Variants in SPECC1L observed in about 807,000 individuals in gnomAD.
The protein encoded by SPECC1L is sperm antigen with calponin homology and coiled-coil domains 1 like.
Under a neutral mutation model 116.8 loss-of-function variants are expected in SPECC1L, and 40 were observed. That is an observed-to-expected ratio of 0.34 (90% CI 0.27 to 0.45). SPECC1L has a LOEUF of 0.45. SPECC1L is among the 20% of genes least tolerant of loss of function. The pLI is 1.00. For synonymous variants in SPECC1L, 504 were observed against 500.6 expected, an observed-to-expected ratio of 1.01 and a Z score of -0.09; for missense variants, 1,110 against 1,373.6, an observed-to-expected ratio of 0.81 and a Z score of 3.03.
Position 24,324,367 on chromosome 22 carries a change from G to A in SPECC1L, c.2086G>A (p.Glu696Lys), listed in dbSNP as rs200054678. The change falls in exon 6 of 17, where the codon GAA (glutamate) becomes AAA (lysine). Residue 696 changes from glutamate (E) to lysine (K), a missense_variant. Coordinates refer to ENST00000314328, the MANE Select transcript of SPECC1L (RefSeq NM_015330.6). ...MKETIFELED[E>K]VEQHRAVKLH... is the part of the protein sequence containing the mutation. ...AGAAACCATCTTTGAACTTGAAGAT[G>A]AAGTAGAACAACATCGTGCTGTGAA... 4.3e-6 allele frequency: 7 copies of A among 1,614,068 alleles called. No homozygotes were observed. The highest frequency in any genetic ancestry group is 5.9e-6 in the Non-Finnish European group (7 of 1,180,030).
intron 3 of SPECC1L, among the ~76,000 whole-genome samples, chr22:24,303,278 T>C (rs1397830198): frequency 6.6e-6 from 1 of 152,230 alleles, no homozygotes; most frequent in African/African-American, 2.4e-5. Flanking sequence ...TTGTTGGAAC[T>C]GAACCCAGGC....
chr22:24,343,239 A>G (rs756425839), intron 10 of SPECC1L, among the ~76,000 whole-genome samples: 4 of 152,142 alleles, frequency 2.6e-5, no homozygotes, highest in African/African-American at 4.8e-5. Context: ...AATCCATCCA[A>G]ATTTGATGGA....
intron 10 of SPECC1L, among the ~76,000 whole-genome samples, chr22:24,345,640 C>G (rs1238131228): frequency 6.6e-6 from 1 of 151,956 alleles, no homozygotes; most frequent in Non-Finnish European, 1.5e-5. Flanking sequence ...ATACAAATGG[C>G]CAATGGCACA....
At position 24,302,338 on chromosome 22, in the gene SPECC1L, C is replaced by T. The variant is rs200347225; in HGVS notation, c.107C>T (p.Thr36Met). 11 of 1,614,122 alleles carry T rather than the reference C, an allele frequency of 6.8e-6. No individual in the cohort carries two copies. The highest frequency in any genetic ancestry group is 6.7e-5 in the East Asian group (3 of 44,880). Reference protein sequence around the residue: ...IKPENSSSASTGGKLVKPGTA... With the variant: ...IKPENSSSASMGGKLVKPGTA... ...CCTGAAAACAGCTCTTCAGCATCTA[C>T]GGGAGGCAAACTTGTAAAACCTGGA... is the stretch of plus-strand genomic sequence containing the variant. The change falls in exon 3 of 17, where the codon ACG (threonine) becomes ATG (methionine). Residue 36 changes from threonine to methionine, a missense_variant. Coordinates refer to ENST00000314328, the MANE Select transcript of SPECC1L (RefSeq NM_015330.6).
intron 13 of SPECC1L, among the ~76,000 whole-genome samples, chr22:24,367,117 C>G (rs1465948806): frequency 6.6e-6 from 1 of 152,232 alleles, no homozygotes; most frequent in East Asian, 1.9e-4. Flanking sequence ...TCGCTTGAAC[C>G]TGGGAGCCAG....
intron 2 of SPECC1L, among the ~76,000 whole-genome samples, chr22:24,282,572 C>CT (rs2048964107): frequency 6.6e-6 from 1 of 152,112 alleles, no homozygotes; most frequent in Admixed American, 6.5e-5. Flanking sequence ...AATATTCAGT[C>CT]TTACGTCATT....
In SPECC1L at chr22:24,415,956, C is replaced by T. The variant is rs2042793758; in HGVS notation, c.*1333C>T. On this transcript the variant is annotated 3_prime_UTR_variant, in exon 17 of 17. Transcript: ENST00000314328. ...TGGTTTGAACAATGTCCAGACAAGA[C>T]CTGTACCTTTGAGAATATAACTGTG... is the stretch of plus-strand genomic sequence containing the variant. The T allele has an allele frequency of 6.6e-6, 1 of 152,226 alleles. No homozygotes were observed. Among genetic ancestry groups the T allele is most frequent in the Admixed American group, 6.5e-5 (1 of 15,276 alleles). The allele number at this position is 152,226 out of a possible 1,614,324, so 9.4% of individuals were successfully genotyped here.
chr22:24,365,096 CA>C (rs1021472454), intron 12 of SPECC1L, among the ~76,000 whole-genome samples: 3 of 152,078 alleles, frequency 2.0e-5, no homozygotes, highest in Non-Finnish European at 4.4e-5. Context: ...CAACCTCCAC[CA>C]CCCGGGTTTA....
intron 14 of SPECC1L, among the ~76,000 whole-genome samples, chr22:24,370,181 G>A (rs2041845803): frequency 6.6e-6 from 1 of 152,216 alleles, no homozygotes; most frequent in East Asian, 1.9e-4. Context: ...AAGAAGATCT[G>A]CCATTAACAG....
chr22:24,365,498 A>T lies in SPECC1L; in HGVS notation c.2850A>T (p.Glu950Asp). The T allele has an allele frequency of 6.2e-7, 1 of 1,614,150 alleles. No homozygotes were observed. The highest frequency in any genetic ancestry group is 8.5e-7 in the Non-Finnish European group (1 of 1,180,008). ...CAGTGTCTCGACGAAGTAGTGAAGA[A>T]GTGAAACGGGACATTTCTGCACAGG... ...TLSVSRRSSE[E>D]VKRDISAQEG... The change falls in exon 13 of 17, where the codon GAA (glutamate) becomes GAT (aspartate). Residue 950 changes from glutamate (E) to aspartate (D), a missense_variant. Coordinates refer to ENST00000314328, the MANE Select transcript of SPECC1L (RefSeq NM_015330.6).
intron 4 of SPECC1L, among the ~76,000 whole-genome samples, chr22:24,321,021 G>A (rs1233162546): frequency 1.3e-5 from 2 of 152,278 alleles, no homozygotes; most frequent in East Asian, 3.9e-4. Context: ...TTGTAGAAAT[G>A]TAATTCACAT....
chr22:24,284,934 C>T (rs987459222), intron 2 of SPECC1L, among the ~76,000 whole-genome samples: 1 of 152,114 alleles, frequency 6.6e-6, no homozygotes, highest in East Asian at 1.9e-4. Flanking sequence ...AAGGGAGAGA[C>T]ACATAGTCAC....
intron 14 of SPECC1L, among the ~76,000 whole-genome samples, chr22:24,395,317 A>G (rs2042346050): frequency 6.6e-6 from 1 of 152,152 alleles, no homozygotes; most frequent in African/African-American, 2.4e-5. Context: ...GATGTGAGGT[A>G]TGGATTGAGG....
At chr22:24,406,831 C>T (rs2042601185) in intron 14 of SPECC1L, among the ~76,000 whole-genome samples, 1 of 152,224 alleles carries the variant, frequency 6.6e-6, no homozygotes, top group Non-Finnish European at 1.5e-5. Context: ...GAGAACCCAG[C>T]TTCGTTGTTC....
At chr22:24,277,317 C>T (rs929039004) in intron 2 of SPECC1L, among the ~76,000 whole-genome samples, 138 of 152,188 alleles carry the variant, frequency 9.1e-4, no homozygotes, top group Non-Finnish European at 1.6e-3. Flanking sequence ...CATATTATTC[C>T]TCATTATCCA....
At chr22:24,324,632 C>G (rs1374045695) in intron 6 of SPECC1L, among the ~76,000 whole-genome samples, 2 of 152,142 alleles carry the variant, frequency 1.3e-5, no homozygotes, top group African/African-American at 2.4e-5. Flanking sequence ...AGGCAGATCA[C>G]TTGAGTTGAG....
At chr22:24,297,303 C>T (rs1362939860) in intron 2 of SPECC1L, among the ~76,000 whole-genome samples, 1 of 151,354 alleles carries the variant, frequency 6.6e-6, no homozygotes, top group Non-Finnish European at 1.5e-5. Flanking sequence ...AACTGAATTC[C>T]ATTTTACATA....
At position 24,344,108 on chromosome 22, in the gene SPECC1L, T is replaced by C. The variant is rs541259943; in HGVS notation, c.2653-2978T>C. 3.8e-4 allele frequency among the ~76,000 whole-genome samples: 58 copies of C among 152,308 alleles called. 3 individuals carry two copies. In the South Asian group the frequency reaches 0.012, roughly 30 times the overall value. ...AGTAAAAGGACTTTCCAGTTCATTT[T>C]AGGAAGCTAGCATTACCTGATAGCA... On this transcript the variant is annotated intron_variant, in intron 10 of 16. Coordinates refer to ENST00000314328, the MANE Select transcript of SPECC1L (RefSeq NM_015330.6).
chr22:24,312,849 A>G (rs1442935281), intron 3 of SPECC1L, among the ~76,000 whole-genome samples: 1 of 152,216 alleles, frequency 6.6e-6, no homozygotes, highest in East Asian at 1.9e-4. Flanking sequence ...TTTGATTACT[A>G]CAGAATTATA....
Sources: allele counts gnomAD v4.1 joint callset (sites outside exome capture counted in the v4.1 genomes callset), GRCh38; gene constraint gnomAD v4.1.1; transcripts MANE v1.5; gene names NCBI Gene and HGNC (gene_info 2026-07-23, HGNC 2026-07-21).